Variants in MYRIP observed in about 807,000 individuals in gnomAD.
The protein encoded by MYRIP is myosin VIIA and Rab interacting protein.
In MYRIP, 49 loss-of-function variants were observed where a neutral mutation model predicts 98.0. The ratio of observed to expected loss-of-function variants is 0.50; its 90% CI spans 0.40 to 0.63. The LOEUF (loss-of-function observed/expected upper bound fraction) is 0.63, where lower values mean the gene tolerates loss of function less well. Ranked by LOEUF, MYRIP falls within the 30% of genes least tolerant of loss-of-function variation. The pLI is 0.00. For synonymous variants in MYRIP, 404 were observed against 409.5 expected (o/e 0.99, Z 0.16); for missense variants, 1,004 against 1,058.2 (o/e 0.95, Z 0.71).
intron 3 of MYRIP, among the ~76,000 whole-genome samples, chr3:40,090,364 A>T (rs576877812): frequency 1.2e-4 from 18 of 151,514 alleles, no homozygotes; most frequent in Non-Finnish European, 2.2e-4. Context: ...GAGCATTAGG[A>T]CTCCCTAAGA....
chr3:40,146,525 T>C (rs925499595), intron 3 of MYRIP, among the ~76,000 whole-genome samples: 4 of 152,224 alleles, frequency 2.6e-5, no homozygotes, highest in African/African-American at 9.6e-5. Flanking sequence ...CCACTCCAGT[T>C]GGCTGCCCTG....
chr3:39,890,824 A>T lies in MYRIP; in HGVS notation c.-30-9963A>T, dbSNP rs972241738. Among the ~76,000 whole-genome samples, 5 of 152,152 alleles carry T rather than the reference A, an allele frequency of 3.3e-5. No individual in the cohort carries two copies. In the East Asian group the frequency reaches 5.8e-4, roughly 18 times the overall value. ...AATTGTCGCTATTTCTTTTTGGGAA[A>T]CAAACAAACTGGGTTTATTTGAGCC... On this transcript the variant is annotated intron_variant, in intron 1 of 16. Transcript: ENST00000302541.
chr3:40,113,378 C>T (rs572798920), intron 3 of MYRIP, among the ~76,000 whole-genome samples: 3 of 152,282 alleles, frequency 2.0e-5, no homozygotes, highest in South Asian at 4.1e-4. Context: ...CTCCTCACCT[C>T]GAGTGATCTT....
intron 2 of MYRIP, among the ~76,000 whole-genome samples, chr3:39,913,594 A>G (rs1599904): frequency 0.44 from 67,088 of 152,028 alleles, 15,049 homozygotes; most frequent in East Asian, 0.54. Context: ...ATGGACTAAG[A>G]AAAATCAGTT....
chr3:40,169,960 A>C lies in MYRIP; in HGVS notation c.740A>C (p.Lys247Thr). ...TCCTCCCCTCCCCAGATTATACGAAAACAGAAGAGCAAAAGTGAGCAGCAA... is the reference window on the plus strand; with the variant it reads ...TCCTCCCCTCCCCAGATTATACGAACACAGAAGAGCAAAAGTGAGCAGCAA... ...ATTILQKIIR[K>T]QKSKSEQQVE... The change falls in exon 8 of 17, where the codon AAA becomes ACA. Residue 247 changes from lysine to threonine, a missense_variant. By Grantham distance (78) the Lys-to-Thr change is moderately conservative. Transcript: ENST00000302541. The C allele has an allele frequency of 6.2e-7, 1 of 1,614,166 alleles. No individual in the cohort carries two copies. The highest frequency in any genetic ancestry group is 1.1e-5 in the South Asian group (1 of 91,086).
rs190588733 is a variant in MYRIP, at chr3:40,024,450, A to G, written c.111-19600A>G. 3.7e-3 allele frequency among the ~76,000 whole-genome samples: 568 copies of G among 152,108 alleles called. 6 individuals are homozygous for G. The highest frequency in any genetic ancestry group is 6.6e-4 in the Non-Finnish European group (45 of 67,978). ...GGATGGTGCTGGAGGGCAGGTGCAG[A>G]GAGAGATGGGACAGTCAGCAACTTC... On this transcript the variant is annotated intron_variant, in intron 2 of 16. Transcript: ENST00000302541.
chr3:40,252,339 G>A (rs1370663915), intron 16 of MYRIP, among the ~76,000 whole-genome samples: 5 of 152,114 alleles, frequency 3.3e-5, no homozygotes, highest in Admixed American at 3.3e-4. Context: ...ATACCAAAAT[G>A]TAGCTTAACC....
chr3:40,152,890 G>A (rs1950148940), intron 4 of MYRIP, among the ~76,000 whole-genome samples: 1 of 151,876 alleles, frequency 6.6e-6, no homozygotes, highest in Admixed American at 6.6e-5. Context: ...GCTGAGTCAG[G>A]AGGGTCACTT....
At chr3:40,112,534 T>G (rs1949180210) in intron 3 of MYRIP, among the ~76,000 whole-genome samples, 1 of 152,210 alleles carries the variant, frequency 6.6e-6, no homozygotes, top group Admixed American at 6.5e-5. Flanking sequence ...ACCAGCCAGC[T>G]GCATTTTTGA....
chr3:40,240,836 C>T (rs1952987769), intron 12 of MYRIP, among the ~76,000 whole-genome samples: 1 of 151,994 alleles, frequency 6.6e-6, no homozygotes, highest in Admixed American at 6.6e-5. Flanking sequence ...TGGGGTCTGG[C>T]TGGAAGAGGA....
chr3:40,073,102 G>A (rs1245903169), intron 3 of MYRIP, among the ~76,000 whole-genome samples: 2 of 152,114 alleles, frequency 1.3e-5, no homozygotes, highest in African/African-American at 4.8e-5. Flanking sequence ...AATTCTGACT[G>A]GTTACAAATT....
intron 3 of MYRIP, among the ~76,000 whole-genome samples, chr3:40,138,979 CT>C (rs985252599): frequency 1.3e-5 from 2 of 152,186 alleles, no homozygotes; most frequent in African/African-American, 4.8e-5. Flanking sequence ...CTTCTTCCCC[CT>C]ACCCTTCCCA....
At chr3:40,181,360 G>A (rs1433998598) in intron 8 of MYRIP, among the ~76,000 whole-genome samples, 2 of 152,176 alleles carry the variant, frequency 1.3e-5, no homozygotes, top group Non-Finnish European at 2.9e-5. Context: ...GAGGAAATGA[G>A]CACACTTTGC....
intron 3 of MYRIP, among the ~76,000 whole-genome samples, chr3:40,138,390 C>G (rs932650959): frequency 2.0e-5 from 3 of 152,122 alleles, no homozygotes; most frequent in African/African-American, 7.2e-5. Context: ...AACTGTAGCT[C>G]TAAGGACTTT....
intron 2 of MYRIP, among the ~76,000 whole-genome samples, chr3:39,911,926 C>T (rs571747779): frequency 9.2e-5 from 14 of 152,348 alleles, no homozygotes; most frequent in African/African-American, 3.4e-4. Flanking sequence ...AACCTGATAC[C>T]TGCAGAAGGA....
At chr3:39,905,848 T>C (rs1226509231) in intron 2 of MYRIP, among the ~76,000 whole-genome samples, 1 of 152,204 alleles carries the variant, frequency 6.6e-6, no homozygotes, top group African/African-American at 2.4e-5. Context: ...CTCTTTACCA[T>C]TATGAATTAA....
chr3:39,995,519 A>G (rs897899731), intron 2 of MYRIP, among the ~76,000 whole-genome samples: 1 of 152,244 alleles, frequency 6.6e-6, no homozygotes, highest in Admixed American at 6.5e-5. Flanking sequence ...AGAGCCTCCA[A>G]GAAATATGGG....
chr3:39,948,882 A>C (rs1480204971), intron 2 of MYRIP, among the ~76,000 whole-genome samples: 1 of 152,144 alleles, frequency 6.6e-6, no homozygotes, highest in African/African-American at 2.4e-5. Context: ...ACCGAAGACA[A>C]ACAGAAGATC....
intron 1 of MYRIP, among the ~76,000 whole-genome samples, chr3:39,887,135 A>C (rs572743313): frequency 6.6e-6 from 1 of 152,226 alleles, no homozygotes; most frequent in South Asian, 2.1e-4. Context: ...TGTTCTTTGA[A>C]ACCAACGAGA....
Sources: gnomAD v4.1 joint callset for allele counts (sites outside exome capture counted in the v4.1 genomes callset) on GRCh38, gnomAD v4.1.1 for gene constraint, MANE v1.5 for transcripts, NCBI Gene and HGNC (gene_info 2026-07-23, HGNC 2026-07-21) for gene names.